COPS3: variants seen among roughly 807,000 people sequenced by gnomAD.
COPS3 encodes the protein COP9 signalosome subunit 3.
COPS3 carries 10 observed loss-of-function variants against 58.2 expected under a neutral mutation model. The ratio of observed to expected loss-of-function variants is 0.17; its 90% CI spans 0.11 to 0.29. The LOEUF is 0.29. Among genes scored for constraint, COPS3 ranks in the 10% least tolerant of loss-of-function variants. The pLI is 1.00. For missense variants in COPS3, 333 were observed against 510.1 expected (o/e 0.65, Z 3.34); for synonymous variants, 187 against 181.7 (o/e 1.03, Z -0.24).
At chr17:17,261,540 A>AAATG (rs1597676505) in intron 7 of COPS3, 1 of 340,480 alleles carries the variant, frequency 2.9e-6, no homozygotes, top group East Asian at 1.2e-4. Flanking sequence ...ATAAATAAAT[A>AAATG]AATAAATAAA....
At chr17:17,274,401 G>A (rs1388610707) in intron 2 of COPS3, among the ~76,000 whole-genome samples, 2 of 97,936 alleles carry the variant, frequency 2.0e-5, no homozygotes, top group Non-Finnish European at 4.3e-5. Flanking sequence ...ACCAAAAGAT[G>A]TAGTAGAAAT....
chr17:17,263,064 G>A (rs917326298), intron 6 of COPS3, among the ~76,000 whole-genome samples: 5 of 151,668 alleles, frequency 3.3e-5, no homozygotes, highest in East Asian at 2.0e-4. Flanking sequence ...CGAGGCGGGC[G>A]GATCACGAGG....
At chr17:17,268,155 A>T in intron 4 of COPS3, 178 bp from the exon 5 acceptor site, 2 of 927,422 alleles carry the variant, frequency 2.2e-6, no homozygotes, top group Non-Finnish European at 2.9e-6. Context: ...AACTTTTCTT[A>T]AGCTGTTTCT....
At chr17:17,252,594 TCA>T (rs2047875626) in intron 9 of COPS3, among the ~76,000 whole-genome samples, 1 of 152,190 alleles carries the variant, frequency 6.6e-6, no homozygotes, top group African/African-American at 2.4e-5. Context: ...AAAATCACCC[TCA>T]GAGGAGAACC....
chr17:17,255,191 T>G (rs1041789699), intron 8 of COPS3: 5 of 275,458 alleles, frequency 1.8e-5, no homozygotes, highest in Non-Finnish European at 3.4e-5. Flanking sequence ...TCCCAGCTAC[T>G]TGGGAGGCTG....
intron 2 of COPS3, among the ~76,000 whole-genome samples, chr17:17,273,950 G>A (rs565611089): frequency 7.9e-5 from 12 of 152,298 alleles, no homozygotes; most frequent in South Asian, 2.1e-4. Flanking sequence ...CTGGGAGGTC[G>A]AGGCTACAGT....
chr17:17,268,567 T>A (rs566152829), intron 4 of COPS3, among the ~76,000 whole-genome samples: 2 of 152,290 alleles, frequency 1.3e-5, no homozygotes, highest in Admixed American at 6.5e-5. Context: ...ACACCTGTAA[T>A]CCCAGCATTT....
chr17:17,280,647 C>A, intron 1 of COPS3: 1 of 1,304,064 alleles, frequency 7.7e-7, no homozygotes, highest in Non-Finnish European at 1.0e-6. Flanking sequence ...CGCCTGGCAG[C>A]GGAGGAGCTG....
intron 5 of COPS3, among the ~76,000 whole-genome samples, chr17:17,267,417 G>T (rs1234131478): frequency 6.6e-6 from 1 of 151,772 alleles, no homozygotes; most frequent in Non-Finnish European, 1.5e-5. Context: ...GAGGCGGGTG[G>T]ATCATGAGGT....
At chr17:17,276,889 A>G (rs1301926070) in intron 1 of COPS3, among the ~76,000 whole-genome samples, 3 of 152,084 alleles carry the variant, frequency 2.0e-5, no homozygotes, top group African/African-American at 7.2e-5. Flanking sequence ...CCCGCACTCC[A>G]TATTAGTACT....
rs78099897 is a variant in COPS3, at chr17:17,250,098, A to G, written c.1024-1059T>C. On this transcript the variant is annotated intron_variant, in intron 9 of 11. Coordinates refer to ENST00000268717, the MANE Select transcript of COPS3 (RefSeq NM_003653.4). ...TCCTCCCAGCCCCTGGAAACCACCAATCTGTTCTTGTCTCGTATGGATTTG... is the reference window on the plus strand; with the variant it reads ...TCCTCCCAGCCCCTGGAAACCACCAGTCTGTTCTTGTCTCGTATGGATTTG... 8.0e-4 allele frequency among the ~76,000 whole-genome samples: 122 copies of G among 151,986 alleles called. 6 individuals carry two copies. In the East Asian group the frequency reaches 0.023, roughly 29 times the overall value.
At chr17:17,259,476 A>G (rs2145210071) in intron 8 of COPS3, among the ~76,000 whole-genome samples, 1 of 152,334 alleles carries the variant, frequency 6.6e-6, no homozygotes, top group South Asian at 2.1e-4. Flanking sequence ...AAATTATAGA[A>G]TTGGCTTACA....
intron 10 of COPS3, among the ~76,000 whole-genome samples, chr17:17,248,353 G>GC (rs1245914125): frequency 6.6e-6 from 1 of 152,072 alleles, no homozygotes; most frequent in Non-Finnish European, 1.5e-5. Flanking sequence ...TCCCTCTGTT[G>GC]CCCAGGCTGG....
chr17:17,267,635 C>CA (rs553294077), intron 5 of COPS3, among the ~76,000 whole-genome samples: 63,061 of 106,994 alleles, frequency 0.59, 17,848 homozygotes, highest in East Asian at 0.83. Context: ...GAGACTGTCT[C>CA]AAAAAAAAAA....
intron 8 of COPS3, among the ~76,000 whole-genome samples, chr17:17,258,881 G>C (rs1480388931): frequency 6.6e-6 from 1 of 152,068 alleles, no homozygotes; most frequent in East Asian, 1.9e-4. Context: ...ATTCACTACT[G>C]ATTTCCTTCT....
At chr17:17,274,420 G>GATAATATC (rs1555621191) in intron 2 of COPS3, among the ~76,000 whole-genome samples, 3 of 98,594 alleles carry the variant, frequency 3.0e-5, no homozygotes, top group South Asian at 7.4e-4. Context: ...ATTATGATTA[G>GATAATATC]CTTTTCTTTT....
chr17:17,247,204 C>G, intron 11 of COPS3, 53 bp from the exon 12 acceptor site: 1 of 1,551,222 alleles, frequency 6.4e-7, no homozygotes, highest in Non-Finnish European at 8.9e-7. Flanking sequence ...TCAAGGGTTC[C>G]CCGGCAGCCC....
chr17:17,276,444 C>T (rs1031734920), intron 1 of COPS3, among the ~76,000 whole-genome samples: 2 of 151,656 alleles, frequency 1.3e-5, no homozygotes, highest in African/African-American at 2.4e-5. Context: ...CAGAAATGCA[C>T]GTTACTATTA....
rs1323927892 is a variant in COPS3 at position 17,258,539 on chromosome 17, A to T, written c.936+1762T>A. ...TCTTTTGTAACATGTACTATCTTTT[A>T]TGTTTGTTAGCATTTGGGTTCTTTT... On this transcript the variant is annotated intron_variant, in intron 8 of 11. Transcript: ENST00000268717. Among the ~76,000 whole-genome samples the T allele has an allele frequency of 2.2e-4, 34 of 152,100 alleles. 1 individual carries two copies. Among genetic ancestry groups the T allele is most frequent in the Non-Finnish European group, 1.5e-5 (1 of 68,008 alleles).
Sources: allele counts gnomAD v4.1 joint callset (sites outside exome capture counted in the v4.1 genomes callset), GRCh38; gene constraint gnomAD v4.1.1; transcripts MANE v1.5; gene names NCBI Gene and HGNC (gene_info 2026-07-23, HGNC 2026-07-21).